The following DENND11 variants were observed in gnomAD, a reference collection of about 807,000 sequenced individuals.
DENND11 encodes the protein DENN domain-containing protein 11.
DENND11 carries 34 observed loss-of-function variants against 49.2 expected under a neutral mutation model. That is an observed-to-expected ratio of 0.69 (90% CI 0.53 to 0.92). The LOEUF is 0.92. Ranked by LOEUF, DENND11 falls within the 40% of genes least tolerant of loss-of-function variation. DENND11 has a pLI of 0.00. For synonymous variants in DENND11, 238 were observed against 230.3 expected, an observed-to-expected ratio of 1.03 and a Z score of -0.30; for missense variants, 475 against 581.6, an observed-to-expected ratio of 0.82 and a Z score of 1.88.
At chr7:141,685,237 G>A (rs1184873781) in intron 3 of DENND11, among the ~76,000 whole-genome samples, 5 of 152,026 alleles carry the variant, frequency 3.3e-5, no homozygotes, top group Admixed American at 6.6e-5. Flanking sequence ...AAAAGTGATG[G>A]TAGTATTAAA....
chr7:141,660,738 TA>T lies in DENND11; in HGVS notation c.*1917del. On this transcript the variant is annotated 3_prime_UTR_variant, in exon 9 of 9. Transcript: ENST00000536163. ...CTGAACCTCAGGATACCACGAAAAA[TA>T]ACCATTACTTGACAGAAAGGACCCC... is the stretch of plus-strand genomic sequence containing the variant. The T allele has an allele frequency of 6.6e-6, 1 of 152,300 alleles. No individual in the cohort carries two copies. The highest frequency in any genetic ancestry group is 1.9e-4 in the East Asian group (1 of 5,178). The allele number at this position is 152,300 out of a possible 1,614,324, so 9.4% of individuals were successfully genotyped here.
At position 141,662,634 on chromosome 7, in the gene DENND11, C is replaced by T. The variant is rs1445227955; in HGVS notation, c.*22G>A. On this transcript the variant is annotated 3_prime_UTR_variant, in exon 9 of 9. Transcript: ENST00000536163. ...GCTGCTGACATCCCACGTGAAGTGG[C>T]TCCCAGTCCTGTTGGCTCCTCCTAC... The T allele has an allele frequency of 4.6e-6, 7 of 1,513,038 alleles. No homozygotes were observed. Among genetic ancestry groups the T allele is most frequent in the Non-Finnish European group, 6.2e-6 (7 of 1,131,854 alleles). The allele number at this position is 1,513,038 out of a possible 1,614,324, so 93.7% of individuals were successfully genotyped here.
intron 1 of DENND11, among the ~76,000 whole-genome samples, chr7:141,700,490 A>G (rs953965659): frequency 3.3e-4 from 50 of 151,950 alleles, no homozygotes; most frequent in Middle Eastern, 3.4e-3. Flanking sequence ...AAAAAAAAAA[A>G]AGAGAGAGAA....
intron 4 of DENND11, 120 bp downstream of exon 4, chr7:141,673,947 A>T: frequency 8.0e-7 from 1 of 1,254,732 alleles, no homozygotes; most frequent in Non-Finnish European, 1.1e-6. Flanking sequence ...CTGTTCTATC[A>T]AAAGTAGACA....
intron 5 of DENND11, 100 bp from the exon 6 acceptor site, chr7:141,665,418 G>A: frequency 6.7e-7 from 1 of 1,497,350 alleles, no homozygotes; most frequent in South Asian, 1.2e-5. Flanking sequence ...GCTATCTGGT[G>A]CTTCAGGATC....
At chr7:141,696,261 T>C (rs1798412293) in intron 1 of DENND11, among the ~76,000 whole-genome samples, 1 of 152,202 alleles carries the variant, frequency 6.6e-6, no homozygotes, top group South Asian at 2.1e-4. Flanking sequence ...CCACTGCCTC[T>C]GTCTTCCAAA....
At chr7:141,678,086 C>T (rs559752905) in intron 3 of DENND11, among the ~76,000 whole-genome samples, 4 of 152,070 alleles carry the variant, frequency 2.6e-5, no homozygotes, top group Admixed American at 2.0e-4. Context: ...CTCAGCTTCC[C>T]GAGTAGCTGG....
In DENND11 at chr7:141,666,410, C is replaced by T. The variant is rs751420153; in HGVS notation, c.697G>A (p.Gly233Ser). ...AACTTTATAAACTGAGACATGCAGC[C>T]AGCTGGGTGTGTGATCTGAAAAAAT... ...YPEMKITHPA[G>S]CMSQFIKFFG... The change falls in exon 5 of 9, where the codon GGC becomes AGC. Residue 233 changes from glycine (G) to serine (S), a missense_variant. Transcript: ENST00000536163. 2.4e-5 allele frequency: 38 copies of T among 1,604,802 alleles called. No individual in the cohort carries two copies. The highest frequency in any genetic ancestry group is 2.6e-6 in the Non-Finnish European group (3 of 1,173,048).
rs553478021 is a variant in DENND11, at chr7:141,671,618, A to G, written c.681+2449T>C. 2.6e-5 allele frequency among the ~76,000 whole-genome samples: 4 copies of G among 152,356 alleles called. No homozygotes were observed. In the East Asian group the frequency reaches 7.7e-4, roughly 29 times the overall value. On this transcript the variant is annotated intron_variant, in intron 4 of 8. Transcript: ENST00000536163. ...ATGTTAATGAGCTGTCCTCAAAAGCATGGGCCATTTTCTTTTTTCTCTCTT... is the reference window on the plus strand; with the variant it reads ...ATGTTAATGAGCTGTCCTCAAAAGCGTGGGCCATTTTCTTTTTTCTCTCTT...
intron 1 of DENND11, among the ~76,000 whole-genome samples, chr7:141,687,924 G>A (rs1238003967): frequency 2.6e-5 from 4 of 152,064 alleles, no homozygotes; most frequent in Non-Finnish European, 2.9e-5. Context: ...GTGAGCCACC[G>A]CACCCGGCCA....
In DENND11 at chr7:141,674,230, A is replaced by ACACACAC; in HGVS notation, c.528-11_528-10insGTGTGTG. The stretch of plus-strand genomic sequence containing the variant: ...CATCTCCAACTGGTGCCTGCAGAAA[A>ACACACAC]ACACACACACACACACACACACACA... On this transcript the variant is annotated splice_polypyrimidine_tract_variant and intron_variant, in intron 3 of 8. Transcript: ENST00000536163. 1 of 1,493,354 alleles carries ACACACAC rather than the reference A, an allele frequency of 6.7e-7. No individual in the cohort carries two copies. The highest frequency in any genetic ancestry group is 1.5e-5 in the African/African-American group (1 of 68,284). 92.5% of individuals were successfully genotyped at this position (1,493,354 alleles called of 1,614,324 possible). A position where few individuals can be genotyped will look rare whatever the true frequency, so the allele number is the denominator to read the frequency against.
At chr7:141,687,219 G>A (rs2117074221) in intron 1 of DENND11, among the ~76,000 whole-genome samples, 1 of 152,172 alleles carries the variant, frequency 6.6e-6, no homozygotes, top group African/African-American at 2.4e-5. Context: ...ATGTAACTCT[G>A]TTTCCCCTCC....
At chr7:141,698,726 A>AACAC (rs147485805) in intron 1 of DENND11, among the ~76,000 whole-genome samples, 3 of 151,290 alleles carry the variant, frequency 2.0e-5, no homozygotes, top group Non-Finnish European at 3.0e-5. Context: ...TTCCTGCTCA[A>AACAC]ACACACACAC....
At position 141,676,252 on chromosome 7, in the gene DENND11, T is replaced by G. The variant is rs200405696; in HGVS notation, c.528-2032A>C. 2.6e-5 allele frequency among the ~76,000 whole-genome samples: 4 copies of G among 152,312 alleles called. No individual in the cohort carries two copies. In the East Asian group the frequency reaches 7.7e-4, roughly 29 times the overall value. On this transcript the variant is annotated intron_variant, in intron 3 of 8. Transcript: ENST00000536163. ...GTAATTTATATTTTTTCATTCAAAG[T>G]TGTTTCATTAGTATCAAATTTCCCT...
chr7:141,701,767 T>C lies in DENND11; in HGVS notation c.268+119A>G, dbSNP rs1030536618. 7.0e-6 allele frequency: 6 copies of C among 862,072 alleles called. No individual in the cohort carries two copies. In the African/African-American group the frequency reaches 1.1e-4, roughly 16 times the overall value. 53.4% of individuals were successfully genotyped at this position (862,072 alleles called of 1,614,324 possible). A position where few individuals can be genotyped will look rare whatever the true frequency, so the allele number is the denominator to read the frequency against. On this transcript the variant is annotated intron_variant, in intron 1 of 8. Transcript: ENST00000536163. The stretch of plus-strand genomic sequence containing the variant: ...AAGCCCGGGAGCCCGGGGCCGGCCC[T>C]GGTGCGGGGTGCGGGGCCGGGAGGG...
intron 1 of DENND11, among the ~76,000 whole-genome samples, chr7:141,694,844 T>G (rs1798387399): frequency 1.3e-5 from 2 of 152,224 alleles, no homozygotes; most frequent in African/African-American, 4.8e-5. Context: ...AAGCTTCTCC[T>G]GCTACCTCAG....
In DENND11 at chr7:141,668,676, T is replaced by C. The variant is rs142837033; in HGVS notation, c.682-2251A>G. ...TGCAGGTAAGAGGCAACATGGCCCTTCTTGGGACCTGCAAGTAGTTCAGGC... is the reference window on the plus strand; with the variant it reads ...TGCAGGTAAGAGGCAACATGGCCCTCCTTGGGACCTGCAAGTAGTTCAGGC... On this transcript the variant is annotated intron_variant, in intron 4 of 8. Coordinates refer to ENST00000536163, the MANE Select transcript of DENND11 (RefSeq NM_001080392.2). Among the ~76,000 whole-genome samples, 1,281 of 152,334 alleles carry C rather than the reference T, an allele frequency of 8.4e-3. 6 individuals carry two copies. The highest frequency in any genetic ancestry group is 0.017 in the South Asian group (83 of 4,832).
intron 3 of DENND11, among the ~76,000 whole-genome samples, chr7:141,683,467 C>T (rs553646155): frequency 1.3e-5 from 2 of 151,862 alleles, no homozygotes; most frequent in Non-Finnish European, 2.9e-5. Flanking sequence ...GGTGAAACCC[C>T]GTCTCTACTA....
intron 1 of DENND11, among the ~76,000 whole-genome samples, chr7:141,697,957 T>C (rs1022581874): frequency 1.3e-5 from 2 of 152,160 alleles, no homozygotes; most frequent in African/African-American, 4.8e-5. Context: ...GAGAAACATC[T>C]TGAAAACCTC....
Sources: gnomAD v4.1 joint callset for allele counts (sites outside exome capture counted in the v4.1 genomes callset) on GRCh38, gnomAD v4.1.1 for gene constraint, MANE v1.5 for transcripts, NCBI Gene and HGNC (gene_info 2026-07-23, HGNC 2026-07-21) for gene names.